Variants in RIT2 observed in about 807,000 individuals in gnomAD.
The protein encoded by RIT2 is GTP-binding protein Rit2.
Under a neutral mutation model 23.7 loss-of-function variants are expected in RIT2, and 24 were observed. That is an observed-to-expected ratio of 1.01 (90% confidence interval 0.73 to 1.43). The LOEUF is 1.43. Ranked by LOEUF, RIT2 falls within the 40% of genes most tolerant of loss-of-function variation. The pLI, the probability that RIT2 is intolerant of heterozygous loss-of-function variation, is 0.00. For missense variants in RIT2, 236 were observed against 266.9 expected, an observed-to-expected ratio of 0.88 and a Z score of 0.81; for synonymous variants, 107 against 91.1, an observed-to-expected ratio of 1.17 and a Z score of -0.99.
chr18:42,874,279 A>C (rs1907691812), intron 4 of RIT2, among the ~76,000 whole-genome samples: 1 of 152,174 alleles, frequency 6.6e-6, no homozygotes, highest in Non-Finnish European at 1.5e-5. Context: ...GAAGGTAACT[A>C]AATCTTTAAT....
At chr18:43,107,793 C>G (rs1350667956) in intron 1 of RIT2, among the ~76,000 whole-genome samples, 1 of 152,104 alleles carries the variant, frequency 6.6e-6, no homozygotes, top group African/African-American at 2.4e-5. Context: ...GCGTAGCACT[C>G]TCCGTTGTTT....
chr18:42,914,209 T>C (rs949879917), intron 4 of RIT2, among the ~76,000 whole-genome samples: 3 of 152,090 alleles, frequency 2.0e-5, no homozygotes, highest in Admixed American at 1.3e-4. Context: ...TATAAAATAA[T>C]AGAGCCATTC....
Position 42,757,221 on chromosome 18 carries a change from T to C in RIT2, c.427-13501A>G, listed in dbSNP as rs189316550. Among the ~76,000 whole-genome samples the C allele has an allele frequency of 1.6e-4, 25 of 152,340 alleles. No individual in the cohort carries two copies. The East Asian group carries it at 4.4e-3, about 27-fold the overall frequency. On this transcript the variant is annotated intron_variant, in intron 4 of 4. Transcript: ENST00000326695. ...TTGAATTACTTAAGGTTTTAACTTA[T>C]TTTCATTAACATATCTGTGCAATTC...
At chr18:43,008,382 T>C (rs1911272980) in intron 2 of RIT2, among the ~76,000 whole-genome samples, 1 of 151,546 alleles carries the variant, frequency 6.6e-6, no homozygotes, top group African/African-American at 2.4e-5. Context: ...AATGGAGTTA[T>C]AAAATTATAA....
intron 4 of RIT2, among the ~76,000 whole-genome samples, chr18:42,807,960 T>C (rs1905731076): frequency 6.6e-6 from 1 of 152,150 alleles, no homozygotes; most frequent in Admixed American, 6.5e-5. Context: ...TGAAAAGCAA[T>C]TCAAAGCTAG....
chr18:42,829,606 T>C (rs979028693), intron 4 of RIT2, among the ~76,000 whole-genome samples: 2 of 152,128 alleles, frequency 1.3e-5, no homozygotes, highest in African/African-American at 2.4e-5. Context: ...TGTTGTTAGA[T>C]GGGACTCTCT....
chr18:42,888,827 T>C (rs1009124395), intron 4 of RIT2, among the ~76,000 whole-genome samples: 2 of 152,082 alleles, frequency 1.3e-5, no homozygotes, highest in Non-Finnish European at 2.9e-5. Context: ...CCAAAAACTG[T>C]ATGTTCTCAC....
At chr18:42,848,190 C>G (rs1906958930) in intron 4 of RIT2, among the ~76,000 whole-genome samples, 1 of 152,094 alleles carries the variant, frequency 6.6e-6, no homozygotes, top group African/African-American at 2.4e-5. Context: ...TGCTGAAAGG[C>G]AATTCTCGCT....
chr18:43,108,163 A>C (rs1280463683), intron 1 of RIT2, among the ~76,000 whole-genome samples: 1 of 137,888 alleles, frequency 7.3e-6, no homozygotes, highest in East Asian at 2.3e-4. Flanking sequence ...TGATAGAACG[A>C]GACTCCATCT....
chr18:43,061,274 T>C (rs1394915514), intron 1 of RIT2, among the ~76,000 whole-genome samples: 3 of 152,202 alleles, frequency 2.0e-5, no homozygotes, highest in Non-Finnish European at 4.4e-5. Context: ...TAGACTAATA[T>C]ATAATAGTAA....
At chr18:42,870,310 G>C (rs1241004266) in intron 4 of RIT2, among the ~76,000 whole-genome samples, 1 of 151,930 alleles carries the variant, frequency 6.6e-6, no homozygotes, top group Non-Finnish European at 1.5e-5. Context: ...GTGCGATCTC[G>C]GCTCAGTGCA....
chr18:43,106,434 C>T (rs569505011), intron 1 of RIT2, among the ~76,000 whole-genome samples: 1 of 152,262 alleles, frequency 6.6e-6, no homozygotes, highest in Non-Finnish European at 1.5e-5. Flanking sequence ...TAAAGAACTT[C>T]CCTCATCCAC....
chr18:42,995,872 C>T (rs908178138), intron 2 of RIT2, among the ~76,000 whole-genome samples: 3 of 152,164 alleles, frequency 2.0e-5, no homozygotes, highest in Non-Finnish European at 4.4e-5. Context: ...TCCTATTCAC[C>T]ATTCTCAACT....
intron 4 of RIT2, among the ~76,000 whole-genome samples, chr18:42,879,391 G>T (rs1254488532): frequency 6.6e-6 from 1 of 152,070 alleles, no homozygotes; most frequent in Non-Finnish European, 1.5e-5. Flanking sequence ...AGTGAGCTGG[G>T]TATGAATTTT....
At chr18:43,054,602 A>G (rs1200191612) in intron 1 of RIT2, among the ~76,000 whole-genome samples, 1 of 152,118 alleles carries the variant, frequency 6.6e-6, no homozygotes, top group Admixed American at 6.6e-5. Context: ...TACGCTGGGT[A>G]AAATTTTCCA....
At chr18:42,986,799 C>T (rs538606197) in intron 2 of RIT2, among the ~76,000 whole-genome samples, 44 of 151,734 alleles carry the variant, frequency 2.9e-4, no homozygotes, top group African/African-American at 1.0e-3. Context: ...CCGAGCCCAG[C>T]CAGCTGTTTA....
chr18:42,754,633 G>A (rs1336445973), intron 4 of RIT2, among the ~76,000 whole-genome samples: 1 of 152,154 alleles, frequency 6.6e-6, no homozygotes, highest in Non-Finnish European at 1.5e-5. Context: ...ATAGGCCTTA[G>A]TTGTTTGATC....
At chr18:42,843,357 A>G (rs572449270) in intron 4 of RIT2, among the ~76,000 whole-genome samples, 163 of 152,146 alleles carry the variant, frequency 1.1e-3, no homozygotes, top group Non-Finnish European at 1.7e-3. Flanking sequence ...ATCTCTTATA[A>G]TTTTCTCCTG....
At chr18:43,065,753 C>T (rs1332150252) in intron 1 of RIT2, among the ~76,000 whole-genome samples, 1 of 151,336 alleles carries the variant, frequency 6.6e-6, no homozygotes, top group East Asian at 2.0e-4. Flanking sequence ...GTAACTCCCA[C>T]TTATGTGATC....
Sources: gnomAD v4.1 joint callset for allele counts (sites outside exome capture counted in the v4.1 genomes callset) on GRCh38, gnomAD v4.1.1 for gene constraint, MANE v1.5 for transcripts, NCBI Gene and HGNC (gene_info 2026-07-23, HGNC 2026-07-21) for gene names.